Variants in SLC9C1 observed in about 807,000 individuals in gnomAD.
SLC9C1 encodes sodium/hydrogen exchanger 10.
In SLC9C1, 97 loss-of-function variants were observed where a neutral mutation model predicts 140.9. That is an observed-to-expected ratio of 0.69 (90% CI 0.58 to 0.82). The LOEUF (loss-of-function observed/expected upper bound fraction) is 0.82, where lower values mean the gene tolerates loss of function less well. SLC9C1 is among the 40% of genes least tolerant of loss of function. The pLI, the probability that SLC9C1 is intolerant of heterozygous loss-of-function variation, is 0.00. For synonymous variants in SLC9C1, 440 were observed against 442.6 expected (o/e 0.99, Z 0.07); for missense variants, 1,340 against 1,389.3 (o/e 0.96, Z 0.56).
chr3:112,239,842 T>G lies in SLC9C1; in HGVS notation c.1444A>C (p.Met482Leu). Residue 482 changes from methionine to leucine, a missense_variant and splice_region_variant, in exon 12 of 29, where the codon ATG becomes CTG. Met to Leu is a conservative substitution (Grantham distance 15). Transcript: ENST00000305815. ...EKAITLENPY[M>L]LNEEETTEHQ... ...TAAAAAAGATATTACTTGCTTACCA[T>G]GTATGGGTTTTCAAGTGTAATTGCT... 6.2e-7 allele frequency: 1 copy of G among 1,609,902 alleles called. No homozygotes were observed. The highest frequency in any genetic ancestry group is 8.5e-7 in the Non-Finnish European group (1 of 1,178,448).
At chr3:112,233,092 A>G (rs1322890362) in intron 12 of SLC9C1, among the ~76,000 whole-genome samples, 1 of 131,892 alleles carries the variant, frequency 7.6e-6, no homozygotes, top group East Asian at 2.3e-4. Context: ...TTTTTAAGAA[A>G]GGGTATCTCT....
chr3:112,253,181 T>C (rs2079511569), intron 10 of SLC9C1, among the ~76,000 whole-genome samples: 2 of 152,148 alleles, frequency 1.3e-5, no homozygotes, highest in South Asian at 4.1e-4. Flanking sequence ...CTCACCTGCA[T>C]CTCTCTGGGG....
intron 1 of SLC9C1, among the ~76,000 whole-genome samples, chr3:112,290,510 A>G (rs1420328405): frequency 2.0e-5 from 3 of 152,188 alleles, no homozygotes. Context: ...TCACGTGGCA[A>G]TGAGAAGAAT....
chr3:112,198,475 TGTC>T (rs1488172071), intron 20 of SLC9C1, among the ~76,000 whole-genome samples: 1 of 152,022 alleles, frequency 6.6e-6, no homozygotes, highest in Non-Finnish European at 1.5e-5. Context: ...GAATGCCACT[TGTC>T]GTTCTTCTTT....
At chr3:112,270,641 T>A (rs1009685959) in intron 6 of SLC9C1, among the ~76,000 whole-genome samples, 3 of 152,022 alleles carry the variant, frequency 2.0e-5, no homozygotes, top group Non-Finnish European at 4.4e-5. Flanking sequence ...CATGGCGAAA[T>A]CCCATCTCTA....
At chr3:112,187,776 G>A (rs1375544883) in intron 20 of SLC9C1, among the ~76,000 whole-genome samples, 1 of 151,770 alleles carries the variant, frequency 6.6e-6, no homozygotes, top group East Asian at 1.9e-4. Flanking sequence ...GGGGCAATAC[G>A]AAAAGTTTTG....
At chr3:112,201,878 A>G (rs920136859) in intron 18 of SLC9C1, among the ~76,000 whole-genome samples, 1 of 152,010 alleles carries the variant, frequency 6.6e-6, no homozygotes, top group Non-Finnish European at 1.5e-5. Context: ...TTTGGGCATT[A>G]TGAGGAAGCC....
chr3:112,179,188 T>C (rs2077393776), intron 23 of SLC9C1, among the ~76,000 whole-genome samples: 1 of 151,966 alleles, frequency 6.6e-6, no homozygotes, highest in Non-Finnish European at 1.5e-5. Context: ...GTCCAACTTT[T>C]ATATTAATAG....
intron 15 of SLC9C1, among the ~76,000 whole-genome samples, chr3:112,209,031 G>T (rs1374093482): frequency 1.3e-5 from 2 of 152,020 alleles, no homozygotes; most frequent in East Asian, 1.9e-4. Flanking sequence ...TAGATAAAAA[G>T]ATTTACTTTA....
chr3:112,228,380 A>G (rs1405779724), intron 13 of SLC9C1, among the ~76,000 whole-genome samples: 2 of 152,116 alleles, frequency 1.3e-5, no homozygotes, highest in Non-Finnish European at 2.9e-5. Context: ...TCTCTCCTTT[A>G]TATGAAAATA....
At chr3:112,165,215 G>A (rs777799593) in intron 26 of SLC9C1, among the ~76,000 whole-genome samples, 4 of 152,038 alleles carry the variant, frequency 2.6e-5, no homozygotes, top group East Asian at 1.9e-4. Context: ...CCATGGGTTC[G>A]AACTTCCTCC....
At chr3:112,200,973 A>C (rs2077891922) in intron 18 of SLC9C1, among the ~76,000 whole-genome samples, 1 of 152,044 alleles carries the variant, frequency 6.6e-6, no homozygotes, top group Non-Finnish European at 1.5e-5. Context: ...ACCTAGCCCA[A>C]TTTTGAGACA....
At chr3:112,182,049 A>C (rs2077448824) in intron 21 of SLC9C1, 84 bp downstream of exon 21, 3 of 1,034,120 alleles carry the variant, frequency 2.9e-6, no homozygotes, top group South Asian at 3.0e-5. Context: ...ATATTAAACT[A>C]GAGAGTATCA....
At position 112,239,822 on chromosome 3, in the gene SLC9C1, A is replaced by C; in HGVS notation, c.1446+18T>G. 1 of 1,589,398 alleles carries C rather than the reference A, an allele frequency of 6.3e-7. No homozygotes were observed. Among genetic ancestry groups the C allele is most frequent in the Non-Finnish European group, 8.6e-7 (1 of 1,168,112 alleles). ...TCAAATCTGCATTAAAGCAATAAAAAAGATATTACTTGCTTACCATGTATG... is the reference window on the plus strand; with the variant it reads ...TCAAATCTGCATTAAAGCAATAAAACAGATATTACTTGCTTACCATGTATG... On this transcript the variant is annotated intron_variant, in intron 12 of 28. Coordinates refer to ENST00000305815, the MANE Select transcript of SLC9C1 (RefSeq NM_183061.3).
At chr3:112,290,271 C>T (rs957502163) in intron 1 of SLC9C1, among the ~76,000 whole-genome samples, 4 of 152,090 alleles carry the variant, frequency 2.6e-5, no homozygotes, top group African/African-American at 9.7e-5. Context: ...GTTAAGAAGT[C>T]TATTGTTTTC....
rs185366409 is a variant in SLC9C1 at position 112,261,363 on chromosome 3, C to T, written c.1197+1561G>A. 5.3e-5 allele frequency among the ~76,000 whole-genome samples: 8 copies of T among 152,114 alleles called. No homozygotes were observed. In the East Asian group the frequency reaches 1.4e-3, roughly 26 times the overall value. On this transcript the variant is annotated intron_variant, in intron 10 of 28. Coordinates refer to ENST00000305815, the MANE Select transcript of SLC9C1 (RefSeq NM_183061.3). ...ATAGTTTAAAATTAATAAGAGCTAA[C>T]ACATATAACAGGCTAATAATACAAT...
intron 21 of SLC9C1, among the ~76,000 whole-genome samples, chr3:112,181,858 A>G (rs1032515728): frequency 1.3e-5 from 2 of 152,210 alleles, no homozygotes; most frequent in African/African-American, 4.8e-5. Context: ...GGAATTAGAA[A>G]AACATGTAAT....
intron 23 of SLC9C1, among the ~76,000 whole-genome samples, chr3:112,178,143 T>C (rs1406364605): frequency 6.6e-6 from 1 of 151,910 alleles, no homozygotes; most frequent in African/African-American, 2.4e-5. Flanking sequence ...ACATATTTTT[T>C]TTTTTTTGTA....
chr3:112,180,715 G>A (rs2077423830), intron 21 of SLC9C1, 53 bp from the exon 22 acceptor site: 7 of 1,446,140 alleles, frequency 4.8e-6, no homozygotes, highest in Non-Finnish European at 6.7e-6. Flanking sequence ...AGAAGTGGTT[G>A]GGAATGTTAA....
Sources: gnomAD v4.1 joint callset for allele counts (sites outside exome capture counted in the v4.1 genomes callset) on GRCh38, gnomAD v4.1.1 for gene constraint, MANE v1.5 for transcripts, NCBI Gene and HGNC (gene_info 2026-07-23, HGNC 2026-07-21) for gene names.